RSRC1: variants seen among roughly 807,000 people sequenced by gnomAD.
RSRC1 encodes the protein arginine and serine rich coiled-coil 1.
Under a neutral mutation model 49.1 loss-of-function variants are expected in RSRC1, and 39 were observed. The ratio of observed to expected loss-of-function variants is 0.79; its 90% CI spans 0.61 to 1.04. The LOEUF (loss-of-function observed/expected upper bound fraction) is 1.04. Ranked by LOEUF, RSRC1 falls within the 50% of genes least tolerant of loss-of-function variation. The pLI is 0.00. For synonymous variants in RSRC1, 143 were observed against 130.8 expected (o/e 1.09, Z -0.63); for missense variants, 388 against 402.4 (o/e 0.96, Z 0.31).
chr3:158,444,966 A>G (rs1043858426), intron 6 of RSRC1, among the ~76,000 whole-genome samples: 2 of 152,158 alleles, frequency 1.3e-5, no homozygotes, highest in African/African-American at 4.8e-5. Context: ...ACCATCTCAC[A>G]CCAGTTAGAA....
At chr3:158,168,655 GATTATA>G (rs1373960533) in intron 3 of RSRC1, among the ~76,000 whole-genome samples, 2 of 152,094 alleles carry the variant, frequency 1.3e-5, no homozygotes, top group African/African-American at 4.8e-5. Flanking sequence ...TATTCGTTAA[GATTATA>G]ATTGTTGCAA....
At chr3:158,522,869 C>A (rs188020878) in intron 7 of RSRC1, among the ~76,000 whole-genome samples, 23 of 151,900 alleles carry the variant, frequency 1.5e-4, no homozygotes, top group African/African-American at 5.5e-4. Context: ...TTTGATTTTT[C>A]TGTCATCAGT....
chr3:158,270,668 T>G (rs567873409), intron 4 of RSRC1, among the ~76,000 whole-genome samples: 8 of 152,300 alleles, frequency 5.3e-5, no homozygotes, highest in African/African-American at 1.9e-4. Context: ...TTTTAGAAAT[T>G]TAATAGATTT....
chr3:158,359,857 G>T (rs1229726280), intron 6 of RSRC1, among the ~76,000 whole-genome samples: 1 of 152,202 alleles, frequency 6.6e-6, no homozygotes, highest in South Asian at 2.1e-4. Flanking sequence ...AGTGGAGGGT[G>T]AACAAGATGA....
At chr3:158,469,655 C>T (rs1008136525) in intron 7 of RSRC1, 1 of 153,142 alleles carries the variant, frequency 6.5e-6, no homozygotes, top group Non-Finnish European at 1.5e-5. Context: ...TAATTTTTAG[C>T]AGAAATAGGA....
At chr3:158,522,471 G>A (rs1390764774) in intron 7 of RSRC1, among the ~76,000 whole-genome samples, 1 of 151,924 alleles carries the variant, frequency 6.6e-6, no homozygotes, top group Non-Finnish European at 1.5e-5. Context: ...GCATCCAGCT[G>A]TACCCTACTT....
intron 4 of RSRC1, among the ~76,000 whole-genome samples, chr3:158,286,017 A>G (rs1159110844): frequency 6.6e-6 from 1 of 152,184 alleles, no homozygotes; most frequent in Non-Finnish European, 1.5e-5. Flanking sequence ...ACTGTGCACT[A>G]TAAAATTTTC....
intron 6 of RSRC1, among the ~76,000 whole-genome samples, chr3:158,455,113 T>C (rs144069239): frequency 1.1e-3 from 170 of 152,290 alleles, no homozygotes; most frequent in African/African-American, 3.8e-3. Flanking sequence ...AATTAGAACA[T>C]TCCTAGAACT....
intron 4 of RSRC1, among the ~76,000 whole-genome samples, chr3:158,262,412 TA>T (rs1029297130): frequency 6.6e-6 from 1 of 152,052 alleles, no homozygotes; most frequent in African/African-American, 2.4e-5. Context: ...TGTATCTTCG[TA>T]AAAAAAATCA....
intron 4 of RSRC1, among the ~76,000 whole-genome samples, chr3:158,241,338 A>G (rs1258139529): frequency 6.6e-6 from 1 of 151,966 alleles, no homozygotes; most frequent in Admixed American, 6.6e-5. Context: ...AGTTCCAGCT[A>G]CTCAGGAGGC....
At chr3:158,235,428 T>A (rs144924869) in intron 4 of RSRC1, among the ~76,000 whole-genome samples, 1 of 152,280 alleles carries the variant, frequency 6.6e-6, no homozygotes, top group Non-Finnish European at 1.5e-5. Context: ...TGTGGTCAAT[T>A]ATAGTTATAT....
At chr3:158,325,376 T>A (rs541925572) in intron 5 of RSRC1, among the ~76,000 whole-genome samples, 2 of 152,362 alleles carry the variant, frequency 1.3e-5, no homozygotes, top group South Asian at 4.1e-4. Flanking sequence ...AAGATTTAAG[T>A]CTTTAATCCA....
At chr3:158,348,319 GT>G (rs780782153) in intron 5 of RSRC1, among the ~76,000 whole-genome samples, 3 of 152,168 alleles carry the variant, frequency 2.0e-5, no homozygotes, top group Non-Finnish European at 2.9e-5. Flanking sequence ...ATGTAAACTA[GT>G]TTATATAAGG....
chr3:158,474,630 T>C (rs1738288444), intron 7 of RSRC1, among the ~76,000 whole-genome samples: 1 of 152,222 alleles, frequency 6.6e-6, no homozygotes, highest in African/African-American at 2.4e-5. Context: ...CTTTCAAAAG[T>C]TGGAGTCAAT....
intron 4 of RSRC1, among the ~76,000 whole-genome samples, chr3:158,264,606 A>G (rs933586521): frequency 6.6e-6 from 1 of 152,236 alleles, no homozygotes; most frequent in East Asian, 1.9e-4. Flanking sequence ...AATATTGGAA[A>G]TCTCCAACCA....
chr3:158,390,128 C>T (rs1442867140), intron 6 of RSRC1, among the ~76,000 whole-genome samples: 1 of 152,112 alleles, frequency 6.6e-6, no homozygotes, highest in Non-Finnish European at 1.5e-5. Context: ...AGAGAATTCC[C>T]TCTTCTTTGA....
At chr3:158,382,596 C>G (rs1201490537) in intron 6 of RSRC1, among the ~76,000 whole-genome samples, 1 of 152,144 alleles carries the variant, frequency 6.6e-6, no homozygotes, top group East Asian at 1.9e-4. Flanking sequence ...CCCCTACCCC[C>G]AGTCTAATAC....
At chr3:158,258,013 G>A (rs779017650) in intron 4 of RSRC1, among the ~76,000 whole-genome samples, 1 of 151,944 alleles carries the variant, frequency 6.6e-6, no homozygotes, top group Non-Finnish European at 1.5e-5. Flanking sequence ...TGAGTTGGAA[G>A]GTTGTTAGTA....
chr3:158,158,523 G>C (rs1443313946), intron 3 of RSRC1, among the ~76,000 whole-genome samples: 1 of 152,088 alleles, frequency 6.6e-6, no homozygotes, highest in Admixed American at 6.6e-5. Context: ...TTCTCTCTTG[G>C]AGTAGTCCAC....
Sources: allele counts gnomAD v4.1 joint callset (sites outside exome capture counted in the v4.1 genomes callset), GRCh38; gene constraint gnomAD v4.1.1; transcripts MANE v1.5; gene names NCBI Gene and HGNC (gene_info 2026-07-23, HGNC 2026-07-21).